PCDH15: variants seen among roughly 807,000 people sequenced by gnomAD.
The protein encoded by PCDH15 is protocadherin-15.
Under a neutral mutation model 178.5 loss-of-function variants are expected in PCDH15, and 129 were observed. The observed-to-expected ratio is 0.72, with a 90% CI of 0.63 to 0.84. The LOEUF (loss-of-function observed/expected upper bound fraction) is 0.84. Ranked by LOEUF, PCDH15 falls within the 40% of genes least tolerant of loss-of-function variation. The probability of loss-of-function intolerance (pLI) is 0.00; values close to 1 mark genes in which losing one functional copy is unlikely to be tolerated. For synonymous variants in PCDH15, 800 were observed against 732.0 expected (o/e 1.09, Z -1.50); for missense variants, 2,230 against 2,099.9 (o/e 1.06, Z -1.21).
At chr10:54,580,929 T>C (rs1389117621) in intron 2 of PCDH15, among the ~76,000 whole-genome samples, 1 of 152,026 alleles carries the variant, frequency 6.6e-6, no homozygotes, top group South Asian at 2.1e-4. Context: ...ACTTAAAAAA[T>C]GAGTCACCAA....
chr10:54,290,648 C>T (rs2059340611), intron 8 of PCDH15, among the ~76,000 whole-genome samples: 1 of 152,132 alleles, frequency 6.6e-6, no homozygotes, highest in African/African-American at 2.4e-5. Context: ...ATTCAAGAGA[C>T]ACATCTCACA....
intron 2 of PCDH15, among the ~76,000 whole-genome samples, chr10:55,486,966 T>A (rs187688753): frequency 3.4e-4 from 52 of 151,756 alleles, no homozygotes; most frequent in Non-Finnish European, 7.4e-5. Context: ...ACAAAATGCC[T>A]GTACTTCATG....
At chr10:54,411,125 C>A (rs1456161967) in intron 3 of PCDH15, among the ~76,000 whole-genome samples, 2 of 152,116 alleles carry the variant, frequency 1.3e-5, no homozygotes, top group African/African-American at 4.8e-5. Flanking sequence ...GCTACCATAA[C>A]AGGTATGATC....
chr10:55,189,233 T>C (rs1461763297), intron 1 of PCDH15, among the ~76,000 whole-genome samples: 1 of 151,902 alleles, frequency 6.6e-6, no homozygotes, highest in Admixed American at 6.6e-5. Context: ...ACTATTGCCT[T>C]CCAAATTTAG....
chr10:53,986,416 T>A lies in PCDH15; in HGVS notation c.2868+9233A>T, dbSNP rs373508810. On this transcript the variant is annotated intron_variant, in intron 21 of 37. Transcript: ENST00000644397. ...TCAATATGAGAAACAGTATGGGGTT[T>A]CCTCAAAAAAATTACTAATGTAACT... Among the ~76,000 whole-genome samples the A allele has an allele frequency of 6.4e-4, 98 of 152,298 alleles. No homozygotes were observed. The Middle Eastern group carries it at 0.01, about 16-fold the overall frequency.
At chr10:54,235,874 A>G (rs2054579917) in intron 9 of PCDH15, among the ~76,000 whole-genome samples, 1 of 152,210 alleles carries the variant, frequency 6.6e-6, no homozygotes, top group African/African-American at 2.4e-5. Context: ...TACAAATATA[A>G]AAGTCTGAGC....
chr10:54,481,033 A>T lies in PCDH15; in HGVS notation c.157+46779T>A, dbSNP rs16906179. ...AGATGTCTATGTCCTTTCCAACTCT[A>T]ATAATCTGTGATTCTATAATTTGAT... On this transcript the variant is annotated intron_variant, in intron 3 of 37. Transcript: ENST00000644397. Among the ~76,000 whole-genome samples the T allele has an allele frequency of 2.8e-3, 431 of 151,992 alleles. 1 individual carries two copies. Among genetic ancestry groups the T allele is most frequent in the African/African-American group, 1.0e-2 (415 of 41,534 alleles).
At chr10:54,955,483 TAAATA>T (rs1738276564) in intron 2 of PCDH15, among the ~76,000 whole-genome samples, 1 of 151,298 alleles carries the variant, frequency 6.6e-6, no homozygotes, top group African/African-American at 2.4e-5. Context: ...AGTAAAAAAT[TAAATA>T]AAATAGTACC....
chr10:55,234,141 T>C (rs1232880285), intron 1 of PCDH15, among the ~76,000 whole-genome samples: 3 of 152,024 alleles, frequency 2.0e-5, no homozygotes, highest in Non-Finnish European at 4.4e-5. Context: ...TATACACACA[T>C]CAAATTAAAA....
chr10:54,369,233 T>C lies in PCDH15; in HGVS notation c.361A>G (p.Ile121Val), dbSNP rs779207881. 6.8e-6 allele frequency: 11 copies of C among 1,612,870 alleles called. No individual in the cohort carries two copies. The East Asian group carries it at 2.5e-4, about 36-fold the overall frequency. The change falls in exon 5 of 38, where the codon ATC becomes GTC. Residue 121 changes from isoleucine to valine, a missense_variant. Transcript: ENST00000644397. The part of the protein sequence containing the change: ...IHSIVVQVQC[I>V]NKKVGTIIYH... ...ATAATAGTGCCCACTTTTTTGTTGA[T>C]GCACTGGACCTGCACCACAATGGAG... is the stretch of plus-strand genomic sequence containing the variant.
intron 20 of PCDH15, among the ~76,000 whole-genome samples, chr10:53,998,360 G>T (rs942758095): frequency 1.3e-5 from 2 of 151,998 alleles, no homozygotes; most frequent in Admixed American, 1.3e-4. Flanking sequence ...TTTAAAAAAT[G>T]GTTATACTCA....
intron 2 of PCDH15, among the ~76,000 whole-genome samples, chr10:55,423,344 T>C (rs1363499208): frequency 6.6e-6 from 1 of 151,986 alleles, no homozygotes; most frequent in African/African-American, 2.4e-5. Flanking sequence ...TATAGTTGTA[T>C]GCATACAGAG....
At chr10:54,315,883 G>A (rs1038260938) in intron 8 of PCDH15, among the ~76,000 whole-genome samples, 2 of 151,684 alleles carry the variant, frequency 1.3e-5, no homozygotes, top group African/African-American at 2.4e-5. Context: ...ACTTTTACCA[G>A]TCCTTTCAAG....
chr10:53,912,291 A>T (rs1208825496), intron 25 of PCDH15, among the ~76,000 whole-genome samples: 1 of 152,178 alleles, frequency 6.6e-6, no homozygotes, highest in Non-Finnish European at 1.5e-5. Flanking sequence ...TTGATGGAAC[A>T]TTTCTCAAAA....
At chr10:54,929,496 A>C (rs1176680583) in intron 2 of PCDH15, among the ~76,000 whole-genome samples, 1 of 152,180 alleles carries the variant, frequency 6.6e-6, no homozygotes, top group African/African-American at 2.4e-5. Context: ...TTAATCATAT[A>C]GTCACTTTGG....
intron 1 of PCDH15, among the ~76,000 whole-genome samples, chr10:54,679,222 A>G (rs1006625709): frequency 6.6e-6 from 1 of 151,158 alleles, no homozygotes; most frequent in Non-Finnish European, 1.5e-5. Flanking sequence ...CATACAATTG[A>G]CAATAATATA....
At chr10:54,792,487 T>C (rs1951516397) in intron 1 of PCDH15, among the ~76,000 whole-genome samples, 1 of 152,076 alleles carries the variant, frequency 6.6e-6, no homozygotes, top group Middle Eastern at 3.4e-3. Context: ...TGTTTCTGAA[T>C]GACATTAACA....
rs576478796 is a variant in PCDH15, at chr10:55,364,202, C to A, written c.-155-197551G>T. 2.0e-5 allele frequency among the ~76,000 whole-genome samples: 3 copies of A among 152,180 alleles called. No individual in the cohort carries two copies. The East Asian group carries it at 5.8e-4, about 30-fold the overall frequency. On this transcript the variant is annotated intron_variant, in intron 2 of 5. Transcript: ENST00000613346. ...CCCTTCTGCCATGATTGTAAGTTTC[C>A]TGAGGCCTCCCCAGCCATGCTGAAC...
intron 14 of PCDH15, among the ~76,000 whole-genome samples, chr10:54,140,237 C>G (rs978878036): frequency 2.0e-5 from 3 of 152,132 alleles, no homozygotes; most frequent in African/African-American, 7.2e-5. Context: ...CTGGATGTAA[C>G]ATGGAGCCAA....
Sources: gnomAD v4.1 joint callset for allele counts (sites outside exome capture counted in the v4.1 genomes callset) on GRCh38, gnomAD v4.1.1 for gene constraint, MANE v1.5 for transcripts, NCBI Gene and HGNC (gene_info 2026-07-23, HGNC 2026-07-21) for gene names.